Variants in ARMC6 observed in about 807,000 individuals in gnomAD.
The protein encoded by ARMC6 is armadillo repeat-containing protein 6.
In ARMC6, 43 loss-of-function variants were observed where a neutral mutation model predicts 49.2. That is an observed-to-expected ratio of 0.87 (90% confidence interval 0.69 to 1.13). The LOEUF (loss-of-function observed/expected upper bound fraction) is 1.13, where lower values mean the gene tolerates loss of function less well. Among genes scored for constraint, ARMC6 ranks in the 50% most tolerant of loss-of-function variants. The pLI is 0.00. For missense variants in ARMC6, 627 were observed against 682.0 expected (o/e 0.92, Z 0.90); for synonymous variants, 262 against 289.6 (o/e 0.90, Z 0.97).
At chr19:19,049,916 C>T (rs1464201637) in intron 4 of ARMC6, among the ~76,000 whole-genome samples, 1 of 152,072 alleles carries the variant, frequency 6.6e-6, no homozygotes, top group African/African-American at 2.4e-5. Flanking sequence ...CCCAGCTGCT[C>T]AGGAGGCTGA....
At position 19,055,676 on chromosome 19, in the gene ARMC6, C is replaced by G; in HGVS notation, c.1156-115C>G. 7.0e-7 allele frequency: 1 copy of G among 1,428,884 alleles called. No individual in the cohort carries two copies. Among genetic ancestry groups the G allele is most frequent in the Non-Finnish European group, 9.4e-7 (1 of 1,067,506 alleles). The allele number at this position is 1,428,884 out of a possible 1,614,324, so 88.5% of individuals were successfully genotyped here. On this transcript the variant is annotated intron_variant, in intron 7 of 8. Transcript: ENST00000535612. This position sits in a 1 kb window ranked among gnomAD's most constrained non-coding sequence, Gnocchi z 5.7. Reference sequence around the variant, plus strand: ...CCTGCCATTATTACACAGGAGTTGCCAGAGACCCACGGAGGGGAGGCCGCA... The same window carrying G: ...CCTGCCATTATTACACAGGAGTTGCGAGAGACCCACGGAGGGGAGGCCGCA...
intron 2 of ARMC6, chr19:19,040,582 A>G (rs2059404313): frequency 4.0e-6 from 1 of 247,110 alleles, no homozygotes; most frequent in East Asian, 1.5e-4. Flanking sequence ...CCCTGCCAAG[A>G]GCTGGATTCT....
chr19:19,050,789 G>A (rs1202867003), intron 4 of ARMC6, among the ~76,000 whole-genome samples: 3 of 152,088 alleles, frequency 2.0e-5, no homozygotes, highest in Admixed American at 6.6e-5. Flanking sequence ...TTTGTTTTTC[G>A]TGTCAGTCAA....
chr19:19,046,856 C>T (rs1390396601), intron 4 of ARMC6, among the ~76,000 whole-genome samples: 1 of 151,054 alleles, frequency 6.6e-6, no homozygotes, highest in Non-Finnish European at 1.5e-5. Context: ...TGAACACCTG[C>T]CCTCAAGTGA....
At chr19:19,054,770 G>A (rs2059529451) in intron 6 of ARMC6, among the ~76,000 whole-genome samples, 1 of 152,110 alleles carries the variant, frequency 6.6e-6, no homozygotes, top group Non-Finnish European at 1.5e-5. Flanking sequence ...ACGGTCCTGC[G>A]CCCCCAAGCC....
At chr19:19,048,279 G>A (rs1230003065) in intron 4 of ARMC6, among the ~76,000 whole-genome samples, 1 of 152,186 alleles carries the variant, frequency 6.6e-6, no homozygotes, top group East Asian at 1.9e-4. Context: ...CCGGGAGGCA[G>A]AGGTTGCAGT....
chr19:19,045,261 C>T (rs1301025059), intron 4 of ARMC6, among the ~76,000 whole-genome samples: 7 of 152,160 alleles, frequency 4.6e-5, no homozygotes, highest in Admixed American at 1.3e-4. Flanking sequence ...TATCTGCCCG[C>T]GTTGGCCTCC....
rs964210756 is a variant in ARMC6, at chr19:19,037,298, C to T, written c.29+3060C>T. Among the ~76,000 whole-genome samples the T allele has an allele frequency of 2.0e-5, 3 of 151,874 alleles. No individual in the cohort carries two copies. The South Asian group carries it at 6.2e-4, about 32-fold the overall frequency. Reference sequence around the variant, plus strand: ...GTGTGCAGTCCATGGTGGGCATCTGCAGGAACACAGATGGAATGTGTATAT... The same window carrying T: ...GTGTGCAGTCCATGGTGGGCATCTGTAGGAACACAGATGGAATGTGTATAT... On this transcript the variant is annotated intron_variant, in intron 2 of 8. Transcript: ENST00000535612.
At chr19:19,042,923 A>C in intron 3 of ARMC6, 46 bp downstream of exon 3, 2 of 1,607,324 alleles carry the variant, frequency 1.2e-6, no homozygotes, top group Non-Finnish European at 1.7e-6. Context: ...TCTTAGATGC[A>C]AGAGCAGTGG....
In ARMC6 at chr19:19,055,860, G is replaced by T. The variant is rs768461003; in HGVS notation, c.1225G>T (p.Val409Leu). ...TAAGCCCGACAACAGCCGCATCATC[G>T]TGGAGGGTGGCGGGGCTGTGGCAGC... ...LRKPDNSRII[V>L]EGGGAVAALQ... The change falls in exon 8 of 9, where the codon GTG (valine) becomes TTG (leucine). Residue 409 changes from valine to leucine, a missense_variant. Transcript: ENST00000535612. The surrounding 1 kb of genome is among the most constrained non-coding windows in gnomAD (Gnocchi z 5.7). 9.3e-6 allele frequency: 15 copies of T among 1,612,824 alleles called. No individual in the cohort carries two copies. Among genetic ancestry groups the T allele is most frequent in the Non-Finnish European group, 1.2e-5 (14 of 1,179,404 alleles).
At chr19:19,056,599 AGAAAGAAG>A (rs1261478726) in intron 8 of ARMC6, among the ~76,000 whole-genome samples, 2 of 152,126 alleles carry the variant, frequency 1.3e-5, no homozygotes, top group Admixed American at 1.3e-4. Context: ...AGATCTGGGG[AGAAAGAAG>A]TTGGGGAAGC....
chr19:19,049,027 A>C (rs1255882066), intron 4 of ARMC6, among the ~76,000 whole-genome samples: 1 of 150,488 alleles, frequency 6.6e-6, no homozygotes, highest in Non-Finnish European at 1.5e-5. Flanking sequence ...TTTGGCCAAG[A>C]GGAGGGGTCC....
At chr19:19,048,776 A>G (rs1266086316) in intron 4 of ARMC6, among the ~76,000 whole-genome samples, 2 of 152,170 alleles carry the variant, frequency 1.3e-5, no homozygotes, top group Non-Finnish European at 2.9e-5. Flanking sequence ...TTTCCCCACA[A>G]GAGATAGCTT....
chr19:19,055,853 C>T lies in ARMC6; in HGVS notation c.1218C>T (p.Arg406=), dbSNP rs775443484. ...CCCTGCGTAAGCCCGACAACAGCCG[C>T]ATCATCGTGGAGGGTGGCGGGGCTG... ...FLALRKPDNS[R]IIVEGGGAVA... The change falls in exon 8 of 9, where the codon CGC becomes CGT. Residue 406 remains arginine (R), a synonymous_variant. Transcript: ENST00000535612. The surrounding 1 kb of genome is among the most constrained non-coding windows in gnomAD (Gnocchi z 5.7). 6 of 1,612,776 alleles carry T rather than the reference C, an allele frequency of 3.7e-6. No homozygotes were observed. Among genetic ancestry groups the T allele is most frequent in the Non-Finnish European group, 4.2e-6 (5 of 1,179,260 alleles).
At chr19:19,051,218 G>A (rs890062721) in intron 4 of ARMC6, among the ~76,000 whole-genome samples, 1 of 152,200 alleles carries the variant, frequency 6.6e-6, no homozygotes, top group African/African-American at 2.4e-5. Flanking sequence ...ATTGTTTCTT[G>A]TGATTCTGCC....
rs577881384 is a variant in ARMC6, at chr19:19,042,022, T to C, written c.30-689T>C. On this transcript the variant is annotated intron_variant, in intron 2 of 8. Transcript: ENST00000535612. ...GATCCTGCTACCTCAGCCTCCTGAG[T>C]AGTTGGGACTACAGGCATGTGCCAC... 6.0e-5 allele frequency among the ~76,000 whole-genome samples: 9 copies of C among 150,740 alleles called. No individual in the cohort carries two copies. The East Asian group carries it at 1.0e-3, about 17-fold the overall frequency.
rs1215502975 is a variant in ARMC6, at chr19:19,054,311, G to A, written c.1013G>A (p.Ser338Asn). ...AATGACCACCAGATGAGGGACCAGA[G>A]CGGCGTTCAGGTATGAAGTCCCCCT... is the stretch of plus-strand genomic sequence containing the variant. The part of the protein sequence containing the change: ...DCNDHQMRDQ[S>N]GVQELVKQVL... The change falls in exon 6 of 9, where the codon AGC becomes AAC. Residue 338 changes from serine (S) to asparagine (N), a missense_variant. Transcript: ENST00000535612. 1 of 1,584,924 alleles carries A rather than the reference G, an allele frequency of 6.3e-7. No homozygotes were observed. Among genetic ancestry groups the A allele is most frequent in the African/African-American group, 1.4e-5 (1 of 73,736 alleles).
chr19:19,052,257 T>C (rs958027733), intron 5 of ARMC6, 62 bp downstream of exon 5: 2 of 1,456,232 alleles, frequency 1.4e-6, no homozygotes, highest in Non-Finnish European at 1.8e-6. Context: ...GTGACCAGAG[T>C]GAGGGTCAGG....
chr19:19,057,476 A>G lies in ARMC6; in HGVS notation c.1354A>G (p.Ile452Val). ...VAHGQAFSKP[I>V]LDLGAEALIM... ...CCACGGCCAGGCCTTCTCGAAGCCC[A>G]TCCTGGACCTGGGGGCTGAGGCACT... Residue 452 changes from isoleucine to valine, a missense_variant, in exon 9 of 9, where the codon ATC (isoleucine) becomes GTC (valine). Physicochemically the swap from Ile to Val is conservative, Grantham distance 29. Transcript: ENST00000535612. 1.2e-6 allele frequency: 2 copies of G among 1,614,116 alleles called. No homozygotes were observed. Among genetic ancestry groups the G allele is most frequent in the East Asian group, 2.2e-5 (1 of 44,884 alleles).
Sources: allele counts gnomAD v4.1 joint callset (sites outside exome capture counted in the v4.1 genomes callset), GRCh38; gene constraint gnomAD v4.1.1; non-coding constraint Gnocchi (gnomAD v3.1); transcripts MANE v1.5; gene names NCBI Gene and HGNC (gene_info 2026-07-23, HGNC 2026-07-21).